Variants in CDH18 observed in about 807,000 individuals in gnomAD.
CDH18 encodes cadherin 18.
CDH18 carries 31 observed loss-of-function variants against 67.9 expected under a neutral mutation model. The observed-to-expected ratio is 0.46, with a 90% CI of 0.34 to 0.62. The LOEUF is 0.62. Among genes scored for constraint, CDH18 ranks in the 20% least tolerant of loss-of-function variants. The pLI is 0.01. For synonymous variants in CDH18, 362 were observed against 347.2 expected (o/e 1.04, Z -0.48); for missense variants, 890 against 975.5 (o/e 0.91, Z 1.17).
chr5:19,891,247 T>G (rs1788756409), intron 2 of CDH18, among the ~76,000 whole-genome samples: 1 of 152,144 alleles, frequency 6.6e-6, no homozygotes, highest in Non-Finnish European at 1.5e-5. Flanking sequence ...TGTGCTGATT[T>G]TATAGTTTCA....
intron 10 of CDH18, among the ~76,000 whole-genome samples, chr5:19,514,211 T>A (rs1253398602): frequency 6.6e-6 from 1 of 152,222 alleles, no homozygotes. Context: ...TTCCATGGTG[T>A]ATATGTGCCA....
chr5:20,025,755 T>C (rs1276305712), intron 2 of CDH18, among the ~76,000 whole-genome samples: 1 of 152,218 alleles, frequency 6.6e-6, no homozygotes, highest in Admixed American at 6.5e-5. Context: ...TTTCCTCTAA[T>C]CAGTTCAGGT....
At position 20,439,096 on chromosome 5, in the gene CDH18, C is replaced by T. The variant is rs79908716; in HGVS notation, c.-580+136366G>A. 1.6e-3 allele frequency among the ~76,000 whole-genome samples: 245 copies of T among 151,514 alleles called. 6 individuals carry two copies. In the East Asian group the frequency reaches 0.034, roughly 21 times the overall value. The stretch of plus-strand genomic sequence containing the variant: ...ACACAATCACCTCTAAAGTGCTCAC[C>T]TCCTGATTTTAGAAATATGTACATA... On this transcript the variant is annotated intron_variant, in intron 1 of 14. Transcript: ENST00000507958.
chr5:20,294,389 C>T (rs1315446316), intron 1 of CDH18, among the ~76,000 whole-genome samples: 3 of 152,114 alleles, frequency 2.0e-5, no homozygotes, highest in Non-Finnish European at 4.4e-5. Context: ...CACTGTGTGC[C>T]ACAAATATAT....
chr5:20,155,249 A>G (rs1751434051), intron 2 of CDH18, among the ~76,000 whole-genome samples: 1 of 152,156 alleles, frequency 6.6e-6, no homozygotes, highest in Admixed American at 6.5e-5. Flanking sequence ...AAAGTTATGA[A>G]AAGAACCAGA....
intron 2 of CDH18, among the ~76,000 whole-genome samples, chr5:20,191,416 A>T (rs1208740359): frequency 6.6e-6 from 1 of 152,132 alleles, no homozygotes; most frequent in East Asian, 1.9e-4. Context: ...TCTAAAAAAA[A>T]GATACATGTG....
At chr5:20,305,037 C>G in intron 1 of CDH18, 1 of 1,607,504 alleles carries the variant, frequency 6.2e-7, no homozygotes. Context: ...AGGAGGGCTG[C>G]TGACTGTCCC....
chr5:20,270,918 G>T (rs1048298528), intron 1 of CDH18, among the ~76,000 whole-genome samples: 2 of 152,048 alleles, frequency 1.3e-5, no homozygotes, highest in African/African-American at 4.8e-5. Context: ...TCACTTATAA[G>T]TAGGAGCTAA....
chr5:20,536,000 C>T (rs1045868550), intron 1 of CDH18, among the ~76,000 whole-genome samples: 23 of 152,260 alleles, frequency 1.5e-4, no homozygotes, highest in African/African-American at 5.5e-4. Flanking sequence ...TCTTCAGAGA[C>T]CACAGTCTTA....
intron 1 of CDH18, among the ~76,000 whole-genome samples, chr5:20,383,626 T>G (rs1327083893): frequency 6.6e-6 from 1 of 152,196 alleles, no homozygotes; most frequent in Non-Finnish European, 1.5e-5. Flanking sequence ...TAATTTACTA[T>G]TGTATTGCAA....
At chr5:20,189,380 T>C (rs995207642) in intron 2 of CDH18, among the ~76,000 whole-genome samples, 15 of 152,134 alleles carry the variant, frequency 9.9e-5, no homozygotes, top group Admixed American at 9.8e-4. Context: ...GAATCTATCA[T>C]GCATTTCCCC....
At chr5:20,554,711 G>A (rs1164032698) in intron 1 of CDH18, among the ~76,000 whole-genome samples, 1 of 152,128 alleles carries the variant, frequency 6.6e-6, no homozygotes, top group Non-Finnish European at 1.5e-5. Flanking sequence ...AATCTGGATA[G>A]GCTTGTAACC....
At position 20,327,157 on chromosome 5, in the gene CDH18, T is replaced by C. The variant is rs372895021; in HGVS notation, c.-579-71652A>G. On this transcript the variant is annotated intron_variant, in intron 1 of 14. Transcript: ENST00000507958. The stretch of plus-strand genomic sequence containing the variant: ...TCATATTAAACCTGTGAAAGAAAAT[T>C]GAATATTGCGACCCCAAACTCATTA... 5.3e-5 allele frequency among the ~76,000 whole-genome samples: 8 copies of C among 152,294 alleles called. 2 individuals are homozygous for C. The East Asian group carries it at 1.5e-3, about 29-fold the overall frequency.
At position 20,254,194 on chromosome 5, in the gene CDH18, C is replaced by A. The variant is rs1580594299; in HGVS notation, c.-518+1250G>T. Reference sequence around the variant, plus strand: ...GTGGTGCGATCTTGGCTCACTGCAACCTCTGCTTCTCAGGTTCAAGTGATT... The same window carrying A: ...GTGGTGCGATCTTGGCTCACTGCAAACTCTGCTTCTCAGGTTCAAGTGATT... On this transcript the variant is annotated intron_variant, in intron 2 of 14. Transcript: ENST00000507958. Among the ~76,000 whole-genome samples, 5 of 152,164 alleles carry A rather than the reference C, an allele frequency of 3.3e-5. No homozygotes were observed. The East Asian group carries it at 5.8e-4, about 18-fold the overall frequency.
At chr5:20,078,719 C>T (rs1292410626) in intron 2 of CDH18, among the ~76,000 whole-genome samples, 1 of 151,774 alleles carries the variant, frequency 6.6e-6, no homozygotes, top group Non-Finnish European at 1.5e-5. Flanking sequence ...TTTCCTGCCT[C>T]AGCCTCTCAA....
At chr5:20,121,131 T>A (rs1748320372) in intron 2 of CDH18, among the ~76,000 whole-genome samples, 1 of 152,186 alleles carries the variant, frequency 6.6e-6, no homozygotes. Context: ...GTTTTATCTG[T>A]GCAAAGCGCA....
intron 8 of CDH18, among the ~76,000 whole-genome samples, 156 bp from the exon 9 acceptor site, chr5:19,544,161 T>A (rs948492998): frequency 6.6e-5 from 10 of 152,160 alleles, no homozygotes; most frequent in African/African-American, 2.4e-4. Context: ...ATAGAACTTA[T>A]ATCAATTATT....
rs184779249 is a variant in CDH18 at position 20,083,847 on chromosome 5, C to T, written c.-517-91833G>A. Among the ~76,000 whole-genome samples, 490 of 152,220 alleles carry T rather than the reference C, an allele frequency of 3.2e-3. 2 individuals carry two copies. The highest frequency in any genetic ancestry group is 0.011 in the African/African-American group (458 of 41,522). On this transcript the variant is annotated intron_variant, in intron 2 of 14. Coordinates refer to the CDH18 transcript ENST00000507958. Reference sequence around the variant, plus strand: ...ATCTTATGAGACTTATTCACTATCACGAGAACAGCATGGGAAAGACTTGCC... The same window carrying T: ...ATCTTATGAGACTTATTCACTATCATGAGAACAGCATGGGAAAGACTTGCC...
At chr5:20,484,588 A>C (rs1227980894) in intron 1 of CDH18, among the ~76,000 whole-genome samples, 1 of 152,066 alleles carries the variant, frequency 6.6e-6, no homozygotes, top group Non-Finnish European at 1.5e-5. Flanking sequence ...TAATGGAGTT[A>C]TTATTTGGCC....
Sources: gnomAD v4.1 joint callset for allele counts (sites outside exome capture counted in the v4.1 genomes callset) on GRCh38, gnomAD v4.1.1 for gene constraint, MANE v1.5 for transcripts, NCBI Gene and HGNC (gene_info 2026-07-23, HGNC 2026-07-21) for gene names.